STPG1: variants seen among roughly 807,000 people sequenced by gnomAD.
STPG1 encodes O(6)-methylguanine-induced apoptosis 2.
A neutral mutation model predicts 40.1 loss-of-function variants in STPG1; 33 were observed. The observed-to-expected ratio is 0.82, with a 90% CI of 0.62 to 1.10. The LOEUF is 1.10. Among genes scored for constraint, STPG1 ranks in the 50% least tolerant of loss-of-function variants. The pLI is 0.00. For missense variants in STPG1, 396 were observed against 415.1 expected, an observed-to-expected ratio of 0.95 and a Z score of 0.40; for synonymous variants, 150 against 155.0, an observed-to-expected ratio of 0.97 and a Z score of 0.24.
chr1:24,403,795 A>G (rs969446438), intron 1 of STPG1, among the ~76,000 whole-genome samples: 3 of 152,072 alleles, frequency 2.0e-5, no homozygotes, highest in Admixed American at 1.3e-4. Flanking sequence ...ATATATATTA[A>G]TGCTGTATCC....
At chr1:24,388,185 T>C (rs1291760719) in intron 3 of STPG1, among the ~76,000 whole-genome samples, 10 of 152,104 alleles carry the variant, frequency 6.6e-5, no homozygotes, top group Admixed American at 5.2e-4. Context: ...TCTTTATTTT[T>C]AGGATGAGGA....
In STPG1 at chr1:24,365,720, G is replaced by A. The variant is rs537071076; in HGVS notation, c.737+3954C>T. ...TACAAGTTACCATGTGAATTTTGTGGGTTATCTCCTTTTATCCTTACAACC... is the reference window on the plus strand; with the variant it reads ...TACAAGTTACCATGTGAATTTTGTGAGTTATCTCCTTTTATCCTTACAACC... On this transcript the variant is annotated intron_variant, in intron 7 of 8. Coordinates refer to ENST00000337248, the MANE Select transcript of STPG1 (RefSeq NM_001199013.2). 3.3e-5 allele frequency among the ~76,000 whole-genome samples: 5 copies of A among 152,288 alleles called. No individual in the cohort carries two copies. The East Asian group carries it at 9.7e-4, about 29-fold the overall frequency.
intron 5 of STPG1, among the ~76,000 whole-genome samples, chr1:24,374,167 T>C (rs1471393384): frequency 2.6e-5 from 4 of 151,660 alleles, no homozygotes; most frequent in Non-Finnish European, 1.5e-5. Flanking sequence ...TAAAACGGAT[T>C]GGACAGTCAG....
At chr1:24,383,448 G>T (rs1388438308) in intron 4 of STPG1, among the ~76,000 whole-genome samples, 1 of 152,160 alleles carries the variant, frequency 6.6e-6, no homozygotes, top group Non-Finnish European at 1.5e-5. Flanking sequence ...ACGAAGAGAA[G>T]GAAAGGGGTG....
Position 24,411,780 on chromosome 1 carries a change from A to G in STPG1, c.-69+1894T>C, listed in dbSNP as rs531463656. Reference sequence around the variant, plus strand: ...AGTTACAATATTGCATATAGTTTTCAAAATATAAAGCAAATAAGGGATGGC... The same window carrying G: ...AGTTACAATATTGCATATAGTTTTCGAAATATAAAGCAAATAAGGGATGGC... On this transcript the variant is annotated intron_variant, in intron 1 of 8. Transcript: ENST00000337248. 7 of 152,342 alleles carry G rather than the reference A, an allele frequency of 4.6e-5. No homozygotes were observed. In the East Asian group the frequency reaches 1.2e-3, roughly 25 times the overall value. 9.4% of individuals were successfully genotyped at this position (152,342 alleles called of 1,614,324 possible).
chr1:24,402,907 C>A (rs1205343007), intron 1 of STPG1, among the ~76,000 whole-genome samples: 1 of 152,018 alleles, frequency 6.6e-6, no homozygotes, highest in African/African-American at 2.4e-5. Context: ...CTGAGGTTTG[C>A]CTTTTTATTT....
chr1:24,375,914 T>C (rs1642001029), intron 5 of STPG1, among the ~76,000 whole-genome samples: 1 of 152,240 alleles, frequency 6.6e-6, no homozygotes, highest in Admixed American at 6.5e-5. Context: ...TTTATTGTAT[T>C]GCCATGGAAA....
intron 2 of STPG1, among the ~76,000 whole-genome samples, chr1:24,396,051 T>G (rs888323104): frequency 6.9e-4 from 105 of 152,024 alleles, no homozygotes; most frequent in African/African-American, 2.4e-3. Flanking sequence ...TATGTACAAG[T>G]AAAATGTTTA....
chr1:24,391,307 T>A, intron 3 of STPG1: 1 of 291,864 alleles, frequency 3.4e-6, no homozygotes, highest in Non-Finnish European at 6.2e-6. Context: ...TTTCTTAAAA[T>A]AGTTTTGGTC....
Position 24,369,786 on chromosome 1 carries a change from A to G in STPG1, c.625T>C (p.Ser209Pro). 1 of 1,612,972 alleles carries G rather than the reference A, an allele frequency of 6.2e-7. No homozygotes were observed. Among genetic ancestry groups the G allele is most frequent in the Non-Finnish European group, 8.5e-7 (1 of 1,179,056 alleles). The part of the protein sequence containing the change: ...LVKQSPNTLM[S>P]CFKSKTNRGL... ...CGGTTGGTTTTTGATTTAAAACAAG[A>G]CATTAATGTATTTGGCGACTGCTTC... Residue 209 changes from serine (S) to proline (P), a missense_variant, in exon 7 of 9, where the codon TCT becomes CCT. By Grantham distance (74) the Ser-to-Pro change is moderately conservative. Coordinates refer to ENST00000337248, the MANE Select transcript of STPG1 (RefSeq NM_001199013.2).
chr1:24,391,527 T>G, intron 3 of STPG1, 34 bp downstream of exon 3: 1 of 1,359,216 alleles, frequency 7.4e-7, no homozygotes, highest in Non-Finnish European at 1.0e-6. Context: ...AAATCCAGAC[T>G]AAAACGAAAG....
intron 7 of STPG1, among the ~76,000 whole-genome samples, chr1:24,365,125 G>A (rs557866801): frequency 6.6e-6 from 1 of 152,290 alleles, no homozygotes; most frequent in African/African-American, 2.4e-5. Context: ...AGCTGCTTGG[G>A]AAGAAGCATC....
At chr1:24,371,209 T>A (rs1446017430) in intron 6 of STPG1, among the ~76,000 whole-genome samples, 1 of 152,174 alleles carries the variant, frequency 6.6e-6, no homozygotes, top group Non-Finnish European at 1.5e-5. Flanking sequence ...ACTGGCTCCT[T>A]AATTTATGGT....
intron 7 of STPG1, among the ~76,000 whole-genome samples, chr1:24,362,894 T>C (rs999842901): frequency 2.0e-5 from 3 of 152,226 alleles, no homozygotes; most frequent in Non-Finnish European, 4.4e-5. Flanking sequence ...TGAATCTGCA[T>C]GGAAGAACTG....
At chr1:24,398,223 C>CT (rs762469764) in intron 2 of STPG1, among the ~76,000 whole-genome samples, 3 of 151,650 alleles carry the variant, frequency 2.0e-5, no homozygotes, top group African/African-American at 4.8e-5. Flanking sequence ...CTCTGTATAT[C>CT]TTTTTTTTGG....
At chr1:24,380,475 C>T (rs79541235) in intron 4 of STPG1, among the ~76,000 whole-genome samples, 2,563 of 152,308 alleles carry the variant, frequency 0.017, 76 homozygotes, top group African/African-American at 0.059. Context: ...TCAGTGATAA[C>T]ATCACTTTCC....
intron 5 of STPG1, 38 bp downstream of exon 5, chr1:24,379,615 T>C (rs752070224): frequency 6.2e-7 from 1 of 1,600,344 alleles, no homozygotes; most frequent in Non-Finnish European, 8.6e-7. Context: ...AAACCATTAA[T>C]TCGATCTGTA....
chr1:24,381,962 C>T (rs1642304502), intron 4 of STPG1, among the ~76,000 whole-genome samples: 1 of 152,220 alleles, frequency 6.6e-6, no homozygotes, highest in Non-Finnish European at 1.5e-5. Flanking sequence ...TCCCCAGGTA[C>T]AGGACCTTAA....
upstream of STPG1, chr1:24,414,517 G>C (rs1328974544): frequency 6.6e-6 from 1 of 150,558 alleles, no homozygotes; most frequent in Non-Finnish European, 1.5e-5. Context: ...TTTAAATTTA[G>C]GGTGAAATCC....
Sources: allele counts gnomAD v4.1 joint callset (sites outside exome capture counted in the v4.1 genomes callset), GRCh38; gene constraint gnomAD v4.1.1; transcripts MANE v1.5; gene names NCBI Gene and HGNC (gene_info 2026-07-23, HGNC 2026-07-21).